The following AMPH variants were observed in gnomAD, a reference collection of about 807,000 sequenced individuals.
AMPH encodes amphiphysin, also known as amphiphysin (Stiff-Mann syndrome with breast cancer 128kD autoantigen).
Under a neutral mutation model 99.1 loss-of-function variants are expected in AMPH, and 49 were observed. The ratio of observed to expected loss-of-function variants is 0.49; its 90% CI spans 0.39 to 0.63. The LOEUF is 0.63. Among genes scored for constraint, AMPH ranks in the 20% least tolerant of loss-of-function variants. AMPH has a pLI of 0.00. For missense variants in AMPH, 759 were observed against 863.4 expected, an observed-to-expected ratio of 0.88 and a Z score of 1.52; for synonymous variants, 314 against 317.3, an observed-to-expected ratio of 0.99 and a Z score of 0.11.
chr7:38,435,495 C>T (rs1335686649), intron 12 of AMPH, among the ~76,000 whole-genome samples: 1 of 152,180 alleles, frequency 6.6e-6, no homozygotes, highest in Admixed American at 6.5e-5. Flanking sequence ...GGGCTCCAAC[C>T]ATATGCAAAG....
chr7:38,571,899 C>A (rs892582280), intron 1 of AMPH, among the ~76,000 whole-genome samples: 1 of 122,880 alleles, frequency 8.1e-6, no homozygotes. Context: ...GTACCCTATA[C>A]ACGTTTATCT....
intron 2 of AMPH, chr7:38,531,235 C>G (rs1050737960): frequency 4.6e-5 from 7 of 152,156 alleles, no homozygotes; most frequent in Admixed American, 4.6e-4. Context: ...TGCAGGAACC[C>G]AATTAGCATA....
Position 38,508,360 on chromosome 7 carries a change from T to G in AMPH, c.151-4656A>C, listed in dbSNP as rs561973582. On this transcript the variant is annotated intron_variant, in intron 2 of 20. Coordinates refer to ENST00000356264, the MANE Select transcript of AMPH (RefSeq NM_001635.4). ...CTCAAAGCAATAGGAGTTTAATACCTGTTAAATAGGCAATGGCCTGTTGAA... is the reference window on the plus strand; with the variant it reads ...CTCAAAGCAATAGGAGTTTAATACCGGTTAAATAGGCAATGGCCTGTTGAA... 3.3e-5 allele frequency among the ~76,000 whole-genome samples: 5 copies of G among 152,358 alleles called. No homozygotes were observed. In the East Asian group the frequency reaches 9.6e-4, roughly 29 times the overall value.
intron 2 of AMPH, among the ~76,000 whole-genome samples, chr7:38,521,419 G>C (rs148149207): frequency 6.6e-6 from 1 of 152,138 alleles, no homozygotes; most frequent in Non-Finnish European, 1.5e-5. Flanking sequence ...TACTCAAGAG[G>C]CTGAGGCAGG....
At chr7:38,456,896 A>C (rs568179842) in intron 11 of AMPH, among the ~76,000 whole-genome samples, 1 of 152,350 alleles carries the variant, frequency 6.6e-6, no homozygotes, top group Non-Finnish European at 1.5e-5. Flanking sequence ...AAGACTGGTC[A>C]ACCTGGCATC....
chr7:38,563,702 CA>C (rs35162463), intron 1 of AMPH, among the ~76,000 whole-genome samples: 2 of 152,118 alleles, frequency 1.3e-5, no homozygotes, highest in Admixed American at 6.6e-5. Flanking sequence ...AAAATTATCC[CA>C]AAAGTGTTAG....
Position 38,591,037 on chromosome 7 carries a change from C to T in AMPH, c.69+40246G>A, listed in dbSNP as rs116125501. Reference sequence around the variant, plus strand: ...ATAGCCTTAAAAGTTCATTTATAAACAGGAGGGATATTTTGAGAGGGAATC... The same window carrying T: ...ATAGCCTTAAAAGTTCATTTATAAATAGGAGGGATATTTTGAGAGGGAATC... On this transcript the variant is annotated intron_variant, in intron 1 of 20. Coordinates refer to ENST00000356264, the MANE Select transcript of AMPH (RefSeq NM_001635.4). Among the ~76,000 whole-genome samples the T allele has an allele frequency of 5.0e-3, 755 of 152,210 alleles. 7 individuals are homozygous for T. Among genetic ancestry groups the T allele is most frequent in the African/African-American group, 0.017 (709 of 41,522 alleles).
At chr7:38,453,213 A>T (rs566068201) in intron 11 of AMPH, among the ~76,000 whole-genome samples, 7 of 152,332 alleles carry the variant, frequency 4.6e-5, no homozygotes, top group Non-Finnish European at 8.8e-5. Context: ...ATGCACTCCT[A>T]TAATGTCTCT....
chr7:38,561,104 C>G (rs1791538282), intron 1 of AMPH, among the ~76,000 whole-genome samples: 2 of 152,148 alleles, frequency 1.3e-5, no homozygotes, highest in South Asian at 4.1e-4. Flanking sequence ...GGCCAGTAAC[C>G]AAGACCCACA....
chr7:38,417,921 C>T lies in AMPH; in HGVS notation c.1302G>A (p.Glu434=), dbSNP rs1033343259. 6.2e-7 allele frequency: 1 copy of T among 1,613,998 alleles called. No individual in the cohort carries two copies. The highest frequency in any genetic ancestry group is 1.3e-5 in the African/African-American group (1 of 74,930). Residue 434 remains glutamate, a synonymous_variant, in exon 17 of 21, where the codon GAG becomes GAA. Transcript: ENST00000356264. ...LAESEQAPPT[E]PKAEEPLAAV... ...CAGCCAGAGGCTCCTCTGCTTTTGG[C>T]TCTGTGGGTGGAGCCTGTTCAGATT... is the stretch of plus-strand genomic sequence containing the variant.
At chr7:38,553,197 G>A (rs1791239071) in intron 1 of AMPH, among the ~76,000 whole-genome samples, 1 of 152,230 alleles carries the variant, frequency 6.6e-6, no homozygotes, top group South Asian at 2.1e-4. Context: ...CGGCCTTGCA[G>A]TGGTTATAGC....
chr7:38,533,094 T>C (rs3807393), intron 2 of AMPH, among the ~76,000 whole-genome samples: 95,355 of 152,022 alleles, frequency 0.63, 30,786 homozygotes, highest in African/African-American at 0.68. Context: ...GGGAAGTTCC[T>C]GCAATCCAAG....
At chr7:38,525,781 T>C (rs1226335518) in intron 2 of AMPH, among the ~76,000 whole-genome samples, 2 of 152,142 alleles carry the variant, frequency 1.3e-5, no homozygotes, top group African/African-American at 4.8e-5. Flanking sequence ...GCCGTAGTTA[T>C]TTTCTTTTCA....
intron 11 of AMPH, among the ~76,000 whole-genome samples, chr7:38,453,620 A>G (rs978787301): frequency 2.0e-5 from 3 of 152,236 alleles, no homozygotes; most frequent in African/African-American, 7.2e-5. Context: ...CAAATTACAA[A>G]TACAAAGAAA....
chr7:38,429,252 G>A (rs1195495122), intron 14 of AMPH: 34 of 1,286,422 alleles, frequency 2.6e-5, no homozygotes, highest in Non-Finnish European at 3.1e-5. Flanking sequence ...AGCCTCCGGC[G>A]CAGGCTTTGG....
At chr7:38,398,742 A>G (rs1248642666) in intron 17 of AMPH, among the ~76,000 whole-genome samples, 1 of 152,252 alleles carries the variant, frequency 6.6e-6, no homozygotes, top group Non-Finnish European at 1.5e-5. Flanking sequence ...GGTGATAGAT[A>G]TATTTACCCT....
At chr7:38,468,120 G>A (rs977077994) in intron 7 of AMPH, among the ~76,000 whole-genome samples, 13 of 152,288 alleles carry the variant, frequency 8.5e-5, no homozygotes, top group East Asian at 1.9e-4. Flanking sequence ...GATGTTCACC[G>A]TCAGACTGCT....
intron 3 of AMPH, among the ~76,000 whole-genome samples, chr7:38,499,381 T>A (rs1584171910): frequency 6.6e-6 from 1 of 152,092 alleles, no homozygotes; most frequent in Non-Finnish European, 1.5e-5. Context: ...TAAAGACCCA[T>A]AGAGGGGAAG....
Position 38,628,291 on chromosome 7 carries a change from AGT to A in AMPH, c.69+2990_69+2991del, listed in dbSNP as rs141994043. 7.9e-3 allele frequency among the ~76,000 whole-genome samples: 1,211 copies of A among 152,354 alleles called. 16 individuals are homozygous for A. Among genetic ancestry groups the A allele is most frequent in the African/African-American group, 0.027 (1,133 of 41,582 alleles). ...TAAATTTTATTATCCAGAGTTGGCA[AGT>A]GTCTCATGGACTGCTGATGAGAATG... On this transcript the variant is annotated intron_variant, in intron 1 of 20. Transcript: ENST00000356264.
Sources: allele counts gnomAD v4.1 joint callset (sites outside exome capture counted in the v4.1 genomes callset), GRCh38; gene constraint gnomAD v4.1.1; transcripts MANE v1.5; gene names NCBI Gene and HGNC (gene_info 2026-07-23, HGNC 2026-07-21).